Variants in ANKRD30B observed in about 807,000 individuals in gnomAD.
ANKRD30B encodes ankyrin repeat domain 30B, also known as ankyrin repeat domain-containing protein 30B.
ANKRD30B carries 144 observed loss-of-function variants against 202.2 expected under a neutral mutation model. The ratio of observed to expected loss-of-function variants is 0.71; its 90% confidence interval spans 0.62 to 0.82. ANKRD30B has a LOEUF of 0.82. ANKRD30B is among the 40% of genes least tolerant of loss of function. ANKRD30B has a pLI of 0.00. For missense variants in ANKRD30B, 1,487 were observed against 1,669.1 expected, an observed-to-expected ratio of 0.89 and a Z score of 1.90; for synonymous variants, 508 against 561.3, an observed-to-expected ratio of 0.91 and a Z score of 1.34.
the ANKRD30B span, among the ~76,000 whole-genome samples, chr18:14,934,356 C>A: frequency 6.6e-6 from 1 of 152,210 alleles, no homozygotes; most frequent in South Asian, 2.1e-4. Context: ...CTTTCCCTCA[C>A]CTGTCCTGAC....
the ANKRD30B span, among the ~76,000 whole-genome samples, chr18:14,891,959 T>G: frequency 6.6e-6 from 1 of 152,240 alleles, no homozygotes; most frequent in Non-Finnish European, 1.5e-5. Context: ...AATAAATGTA[T>G]CAGTTAGGTT....
At chr18:14,763,604 A>C in intron 6 of ANKRD30B, 82 bp from the exon 7 acceptor site, 1 of 1,549,612 alleles carries the variant, frequency 6.5e-7, no homozygotes, top group Non-Finnish European at 8.7e-7. Context: ...AAGCATACAG[A>C]ATAAGTAGAA....
Position 14,852,105 on chromosome 18 carries a change from A to G in ANKRD30B, c.4161A>G (p.Arg1387=). The G allele has an allele frequency of 6.2e-7, 1 of 1,607,838 alleles. No homozygotes were observed. Residue 1387 remains arginine, a synonymous_variant, in exon 42 of 44, where the codon CGA becomes CGG. Coordinates refer to ENST00000690538, the MANE Select transcript of ANKRD30B (RefSeq NM_001367607.2). ...TTTCAGAACATGCACAAAGAGACCGATGTGAAACACAGTGTCAAATGAAGA... is the reference window on the plus strand; with the variant it reads ...TTTCAGAACATGCACAAAGAGACCGGTGTGAAACACAGTGTCAAATGAAGA... ...ALVSEHAQRD[R]CETQCQMKKA...
the ANKRD30B span, among the ~76,000 whole-genome samples, chr18:14,881,658 A>G: frequency 6.6e-6 from 1 of 151,490 alleles, no homozygotes; most frequent in Non-Finnish European, 1.5e-5. Context: ...AAGGATTGGT[A>G]TCATTTCTTC....
chr18:14,920,787 G>A, the ANKRD30B span, among the ~76,000 whole-genome samples: 1 of 152,222 alleles, frequency 6.6e-6, no homozygotes, highest in Admixed American at 6.5e-5. Flanking sequence ...CTTCGTCAGT[G>A]GGGCCTATCT....
chr18:14,828,226 A>G (rs1219132700), intron 32 of ANKRD30B, 52 bp from the exon 33 acceptor site: 39 of 1,360,762 alleles, frequency 2.9e-5, no homozygotes, highest in Non-Finnish European at 3.9e-5. Context: ...AATATTCTGT[A>G]TTTTTTATTT....
At chr18:14,808,187 AT>A (rs1023536472) in intron 24 of ANKRD30B, among the ~76,000 whole-genome samples, 24 of 144,326 alleles carry the variant, frequency 1.7e-4, no homozygotes, top group African/African-American at 2.8e-4. Flanking sequence ...CCTAGGACTT[AT>A]TTTTTTTTTG....
intron 36 of ANKRD30B, among the ~76,000 whole-genome samples, chr18:14,839,547 C>A (rs1971325803): frequency 1.3e-5 from 2 of 152,194 alleles, no homozygotes; most frequent in African/African-American, 4.8e-5. Context: ...ATGTGTCTGG[C>A]ATATGTTAGA....
chr18:14,755,227 T>C (rs1914147297), intron 4 of ANKRD30B, among the ~76,000 whole-genome samples: 1 of 152,158 alleles, frequency 6.6e-6, no homozygotes, highest in African/African-American at 2.4e-5. Flanking sequence ...TGACTGATTC[T>C]TATTTGTAAT....
the ANKRD30B span, among the ~76,000 whole-genome samples, chr18:14,889,570 G>A: frequency 7.3e-5 from 11 of 151,662 alleles, no homozygotes; most frequent in Non-Finnish European, 1.3e-4. Flanking sequence ...GCCCATGATT[G>A]TGAGATTGAT....
chr18:14,911,826 A>G, the ANKRD30B span, among the ~76,000 whole-genome samples: 4 of 152,126 alleles, frequency 2.6e-5, no homozygotes, highest in African/African-American at 9.7e-5. Flanking sequence ...TTCTCCTAAT[A>G]GGGATATTTC....
the ANKRD30B span, among the ~76,000 whole-genome samples, chr18:14,936,448 GC>G: frequency 6.6e-6 from 1 of 152,048 alleles, no homozygotes; most frequent in Non-Finnish European, 1.5e-5. Context: ...CAATCTGCTG[GC>G]CCAGCAATCC....
chr18:14,798,582 G>GC (rs553987699), intron 20 of ANKRD30B, among the ~76,000 whole-genome samples: 2,204 of 152,150 alleles, frequency 0.014, 60 homozygotes, highest in African/African-American at 0.051. Context: ...CCCTAAAGAG[G>GC]CTAGAAGAGC....
chr18:14,902,866 A>G, the ANKRD30B span, among the ~76,000 whole-genome samples: 1 of 152,212 alleles, frequency 6.6e-6, no homozygotes, highest in Non-Finnish European at 1.5e-5. Flanking sequence ...CTGCAATCTC[A>G]GTTATGCCAA....
chr18:14,880,871 A>T, the ANKRD30B span, among the ~76,000 whole-genome samples: 1 of 152,018 alleles, frequency 6.6e-6, no homozygotes, highest in African/African-American at 2.4e-5. Flanking sequence ...TGAGTTCTTG[A>T]TGTGATTCTC....
the ANKRD30B span, among the ~76,000 whole-genome samples, chr18:14,865,823 C>A: frequency 6.6e-6 from 1 of 152,204 alleles, no homozygotes; most frequent in Non-Finnish European, 1.5e-5. Context: ...AGGCTACAGC[C>A]TCCAGTCTGT....
At chr18:14,866,727 G>T in the ANKRD30B span, among the ~76,000 whole-genome samples, 1 of 152,012 alleles carries the variant, frequency 6.6e-6, no homozygotes, top group Non-Finnish European at 1.5e-5. Context: ...ACTGCCTGCC[G>T]CAGGGGGCTA....
chr18:14,870,157 C>A, the ANKRD30B span, among the ~76,000 whole-genome samples: 1 of 152,226 alleles, frequency 6.6e-6, no homozygotes, highest in Non-Finnish European at 1.5e-5. Context: ...GATACAGTGT[C>A]TTCCTCTGTT....
chr18:14,779,682 GGGA>G (rs1252025822), intron 10 of ANKRD30B, among the ~76,000 whole-genome samples: 1 of 152,124 alleles, frequency 6.6e-6, no homozygotes, highest in African/African-American at 2.4e-5. Context: ...TGTGTTTCAT[GGGA>G]GAAGAGGATA....
Sources: allele counts gnomAD v4.1 joint callset (sites outside exome capture counted in the v4.1 genomes callset), GRCh38; gene constraint gnomAD v4.1.1; transcripts MANE v1.5; gene names NCBI Gene and HGNC (gene_info 2026-07-23, HGNC 2026-07-21).